Variants in SAMD4B observed in about 807,000 individuals in gnomAD.
SAMD4B encodes the protein sterile alpha motif domain containing 4B, also known as protein Smaug homolog 2.
Under a neutral mutation model 74.5 loss-of-function variants are expected in SAMD4B, and 5 were observed. The observed-to-expected ratio is 0.07, with a 90% confidence interval of 0.04 to 0.14. The LOEUF is 0.14. SAMD4B is among the 10% of genes least tolerant of loss of function. SAMD4B has a pLI of 1.00. For synonymous variants in SAMD4B, 373 were observed against 374.9 expected, an observed-to-expected ratio of 1.00 and a Z score of 0.06; for missense variants, 608 against 921.8, an observed-to-expected ratio of 0.66 and a Z score of 4.41.
Position 39,383,163 on chromosome 19 carries a change from G to A in SAMD4B, c.1973-45G>A. On this transcript the variant is annotated intron_variant, in intron 12 of 13. Coordinates refer to ENST00000610417, the MANE Select transcript of SAMD4B (RefSeq NM_001384574.2). The surrounding 1 kb of genome is among the most constrained non-coding windows in gnomAD (Gnocchi z 4.1). The stretch of plus-strand genomic sequence containing the variant: ...TGTCATCCCAGCTGTCTTCACCTGA[G>A]TCCAGTTGGTCCTTACCACCCCCAT... 1.3e-6 allele frequency: 2 copies of A among 1,485,846 alleles called. No homozygotes were observed. 92.0% of individuals were successfully genotyped at this position (1,485,846 alleles called of 1,614,324 possible).
intron 1 of SAMD4B, chr19:39,351,812 CT>C (rs2076058862): frequency 2.0e-5 from 3 of 152,096 alleles, no homozygotes; most frequent in Admixed American, 1.3e-4. Flanking sequence ...ACTTATTTTC[CT>C]TAGTAGTTCC....
rs1389721124 is a variant in SAMD4B, at chr19:39,375,072, G to A, written c.668-578G>A. Among the ~76,000 whole-genome samples, 1 of 152,126 alleles carries A rather than the reference G, an allele frequency of 6.6e-6. No individual in the cohort carries two copies. Among genetic ancestry groups the A allele is most frequent in the East Asian group, 1.9e-4 (1 of 5,200 alleles). On this transcript the variant is annotated intron_variant, in intron 4 of 13. Transcript: ENST00000610417. This position sits in a 1 kb window ranked among gnomAD's most constrained non-coding sequence, Gnocchi z 4.1. ...TCAAGAAGGTAGGAAGAAAGAGCAA[G>A]TCCAGAAGTCCTGAGGCTGGAACAA...
In SAMD4B at chr19:39,376,699, T is replaced by C. The variant is rs746556141; in HGVS notation, c.1018-6T>C. 30 of 1,613,710 alleles carry C rather than the reference T, an allele frequency of 1.9e-5. No homozygotes were observed. Among genetic ancestry groups the C allele is most frequent in the Non-Finnish European group, 2.4e-5 (28 of 1,179,868 alleles). On this transcript the variant is annotated splice_polypyrimidine_tract_variant and splice_region_variant and intron_variant, in intron 6 of 13. Coordinates refer to ENST00000610417, the MANE Select transcript of SAMD4B (RefSeq NM_001384574.2). Reference sequence around the variant, plus strand: ...AGCTTCCTGTCCCCTTCTGCCCTTATCACAGAACGTCACCAAAGGTGCCCG... The same window carrying C: ...AGCTTCCTGTCCCCTTCTGCCCTTACCACAGAACGTCACCAAAGGTGCCCG...
chr19:39,371,325 T>TC (rs1448851394), intron 4 of SAMD4B, among the ~76,000 whole-genome samples: 2 of 152,118 alleles, frequency 1.3e-5, no homozygotes, highest in Non-Finnish European at 2.9e-5. Context: ...AGCCTGTTTT[T>TC]CCCCCAGTTA....
chr19:39,346,570 A>G (rs2075716296), intron 1 of SAMD4B, among the ~76,000 whole-genome samples: 2 of 152,204 alleles, frequency 1.3e-5, no homozygotes, highest in South Asian at 4.1e-4. Flanking sequence ...AGGAGGTAGG[A>G]GTTTACCTAC....
intron 3 of SAMD4B, among the ~76,000 whole-genome samples, chr19:39,358,738 TAATTGTC>T (rs1315574016): frequency 1.3e-5 from 2 of 152,232 alleles, no homozygotes; most frequent in Non-Finnish European, 2.9e-5. Context: ...TGTCAGTTGT[TAATTGTC>T]AATAACTCAC....
At position 39,374,204 on chromosome 19, in the gene SAMD4B, G is replaced by A. The variant is rs139242895; in HGVS notation, c.668-1446G>A. ...GAGAATCGCTTGAACCCAGGAGGTG[G>A]AGGTTGCAGTGAGCCAAGATTGCAC... is the stretch of plus-strand genomic sequence containing the variant. On this transcript the variant is annotated intron_variant, in intron 4 of 13. Transcript: ENST00000610417. Among the ~76,000 whole-genome samples the A allele has an allele frequency of 4.0e-3, 616 of 152,242 alleles. 4 individuals carry two copies. Among genetic ancestry groups the A allele is most frequent in the African/African-American group, 0.014 (584 of 41,528 alleles).
At position 39,361,544 on chromosome 19, in the gene SAMD4B, A is replaced by AG. The variant is rs1242275708; in HGVS notation, c.196+4457dup. Among the ~76,000 whole-genome samples the AG allele has an allele frequency of 1.4e-4, 21 of 151,536 alleles. No homozygotes were observed. The East Asian group carries it at 3.7e-3, about 27-fold the overall frequency. ...GGCAGGAGAATGGTGTGAACCCAGG[A>AG]GGCGGAGTTTGCAGTGAGCCGAGAT... On this transcript the variant is annotated intron_variant, in intron 3 of 13. Transcript: ENST00000610417.
downstream of SAMD4B, among the ~76,000 whole-genome samples, chr19:39,390,605 G>A (rs1194237223): frequency 1.3e-5 from 2 of 152,132 alleles, no homozygotes; most frequent in African/African-American, 2.4e-5. Context: ...GTTGACTGGA[G>A]GGATCCCTTC....
chr19:39,377,418 G>A, intron 7 of SAMD4B, 67 bp from the exon 8 acceptor site: 2 of 1,370,428 alleles, frequency 1.5e-6, no homozygotes, highest in East Asian at 2.3e-5. Flanking sequence ...CTGACTCTCT[G>A]TGTAGATACT....
In SAMD4B at chr19:39,375,442, G is replaced by A. The variant is rs2077544219; in HGVS notation, c.668-208G>A. On this transcript the variant is annotated intron_variant, in intron 4 of 13. Coordinates refer to ENST00000610417, the MANE Select transcript of SAMD4B (RefSeq NM_001384574.2). The surrounding 1 kb of genome is among the most constrained non-coding windows in gnomAD (Gnocchi z 4.1). ...GAGCCAGCGGAACTGGAGAAATTCA[G>A]GAAAGTGGCTGACAGCTTGCTGATG... 6.6e-6 allele frequency among the ~76,000 whole-genome samples: 1 copy of A among 152,194 alleles called. No homozygotes were observed. The highest frequency in any genetic ancestry group is 1.5e-5 in the Non-Finnish European group (1 of 68,034).
At chr19:39,346,061 C>G (rs190843621) in intron 1 of SAMD4B, among the ~76,000 whole-genome samples, 26 of 152,240 alleles carry the variant, frequency 1.7e-4, no homozygotes, top group African/African-American at 6.3e-4. Flanking sequence ...CTCCACAGAG[C>G]TCTTGGCATT....
At chr19:39,381,146 C>A in intron 12 of SAMD4B, 33 bp downstream of exon 12, 1 of 1,552,972 alleles carries the variant, frequency 6.4e-7, no homozygotes. Context: ...CTCTGCCTGG[C>A]CAACATCCTC....
At chr19:39,379,127 A>G (rs2077791535) in intron 9 of SAMD4B, among the ~76,000 whole-genome samples, 1 of 151,098 alleles carries the variant, frequency 6.6e-6, no homozygotes. Flanking sequence ...ACCTCAAGTG[A>G]TCCTTCCACC....
At position 39,385,564 on chromosome 19, in the gene SAMD4B, C is replaced by T. The variant is rs920411567; in HGVS notation, c.*2037C>T. On this transcript the variant is annotated 3_prime_UTR_variant, in exon 14 of 14. Transcript: ENST00000610417. ...CACCCTCCCTACCCACTTCTGTCCC[C>T]GGCCCCACTGGCAGAATCAGCTTTG... The T allele has an allele frequency of 6.0e-6, 3 of 499,340 alleles. No individual in the cohort carries two copies. Among genetic ancestry groups the T allele is most frequent in the Non-Finnish European group, 1.0e-5 (3 of 286,836 alleles). The allele number at this position is 499,340 out of a possible 1,614,324, so 30.9% of individuals were successfully genotyped here.
In SAMD4B at chr19:39,356,858, C is replaced by T; in HGVS notation, c.-36C>T. 1 of 1,561,996 alleles carries T rather than the reference C, an allele frequency of 6.4e-7. No homozygotes were observed. The highest frequency in any genetic ancestry group is 8.7e-7 in the Non-Finnish European group (1 of 1,145,812). Reference sequence around the variant, plus strand: ...CATGTGACGGCGCTGGCCCTCGCCACCGCCGTCCCCCGACCCTGGCCCCAG... The same window carrying T: ...CATGTGACGGCGCTGGCCCTCGCCATCGCCGTCCCCCGACCCTGGCCCCAG... On this transcript the variant is annotated 5_prime_UTR_variant, in exon 3 of 14. Transcript: ENST00000610417.
In SAMD4B at chr19:39,385,272, C is replaced by T. The variant is rs578087675; in HGVS notation, c.*1745C>T. The stretch of plus-strand genomic sequence containing the variant: ...AGGAAGTGGGATGGATGGGCCACCT[C>T]GTTTGGAATCAGCAGGGTGTCCCTC... On this transcript the variant is annotated 3_prime_UTR_variant, in exon 14 of 14. Transcript: ENST00000610417. 2 of 338,698 alleles carry T rather than the reference C, an allele frequency of 5.9e-6. No individual in the cohort carries two copies. Among genetic ancestry groups the T allele is most frequent in the Non-Finnish European group, 1.1e-5 (2 of 188,866 alleles). 21.0% of individuals were successfully genotyped at this position (338,698 alleles called of 1,614,324 possible). A position where few individuals can be genotyped will look rare whatever the true frequency, so the allele number is the denominator to read the frequency against.
chr19:39,374,523 T>G (rs2077490718), intron 4 of SAMD4B, among the ~76,000 whole-genome samples: 1 of 152,208 alleles, frequency 6.6e-6, no homozygotes, highest in Admixed American at 6.5e-5. Context: ...GTCACAGGTC[T>G]TCTATTCTAG....
rs1376186450 is a variant in SAMD4B at position 39,380,794 on chromosome 19, G to T, written c.1848+9G>T. ...GAGGCCAGGGCCGACAGGTAAGCTG[G>T]CTGGAAGCAGGGGCCTGGCCTCCTG... On this transcript the variant is annotated intron_variant, in intron 11 of 13. Coordinates refer to ENST00000610417, the MANE Select transcript of SAMD4B (RefSeq NM_001384574.2). 2.6e-6 allele frequency: 4 copies of T among 1,528,928 alleles called. No individual in the cohort carries two copies. Among genetic ancestry groups the T allele is most frequent in the Non-Finnish European group, 3.5e-6 (4 of 1,140,440 alleles). The allele number at this position is 1,528,928 out of a possible 1,614,324, so 94.7% of individuals were successfully genotyped here.
Sources: gnomAD v4.1 joint callset for allele counts (sites outside exome capture counted in the v4.1 genomes callset) on GRCh38, gnomAD v4.1.1 for gene constraint, Gnocchi (gnomAD v3.1) non-coding constraint, MANE v1.5 for transcripts, NCBI Gene and HGNC (gene_info 2026-07-23, HGNC 2026-07-21) for gene names.